GRIA4: variants seen among roughly 807,000 people sequenced by gnomAD.
GRIA4 encodes glutamate receptor 4.
A neutral mutation model predicts 104.0 loss-of-function variants in GRIA4; 34 were observed. The ratio of observed to expected loss-of-function variants is 0.33; its 90% CI spans 0.25 to 0.44. The LOEUF (loss-of-function observed/expected upper bound fraction) is 0.44, where lower values mean the gene tolerates loss of function less well. Ranked by LOEUF, GRIA4 falls within the 20% of genes least tolerant of loss-of-function variation. The probability of loss-of-function intolerance (pLI) is 1.00; values close to 1 mark genes in which losing one functional copy is unlikely to be tolerated. For synonymous variants in GRIA4, 386 were observed against 381.9 expected, an observed-to-expected ratio of 1.01 and a Z score of -0.13; for missense variants, 750 against 1,096.5, an observed-to-expected ratio of 0.68 and a Z score of 4.46.
At chr11:105,642,718 T>A (rs1188534593) in intron 3 of GRIA4, among the ~76,000 whole-genome samples, 1 of 152,160 alleles carries the variant, frequency 6.6e-6, no homozygotes, top group Non-Finnish European at 1.5e-5. Context: ...TGCTTGATAT[T>A]GTTGAATCAA....
At chr11:105,785,762 A>G (rs1941933287) in intron 4 of GRIA4, among the ~76,000 whole-genome samples, 1 of 152,212 alleles carries the variant, frequency 6.6e-6, no homozygotes, top group Admixed American at 6.5e-5. Context: ...CTAAAACAAA[A>G]GGAAATGGTG....
chr11:105,908,612 GC>G lies in GRIA4; in HGVS notation c.1159-1821del, dbSNP rs1239762508. Among the ~76,000 whole-genome samples, 764 of 117,314 alleles carry G rather than the reference GC, an allele frequency of 6.5e-3. 4 individuals are homozygous for G. The highest frequency in any genetic ancestry group is 0.031 in the East Asian group (127 of 4,068). The allele number at this position is 117,314 out of a possible 152,430, so 77.0% of individuals were successfully genotyped here. On this transcript the variant is annotated intron_variant, in intron 9 of 16. Coordinates refer to ENST00000282499, the MANE Select transcript of GRIA4 (RefSeq NM_000829.4). Reference sequence around the variant, plus strand: ...AACCAGAATTGCATATAGGTATAAGGCCAAAAAAAAAAATAAAGTTTGCTTA... The same window carrying G: ...AACCAGAATTGCATATAGGTATAAGGCAAAAAAAAAAATAAAGTTTGCTTA...
chr11:105,695,142 T>C (rs1442784016), intron 3 of GRIA4, among the ~76,000 whole-genome samples: 1 of 152,230 alleles, frequency 6.6e-6, no homozygotes, highest in Non-Finnish European at 1.5e-5. Context: ...CTTTGCTTAA[T>C]TTGAACTTAA....
chr11:105,662,959 T>C (rs1260156088), intron 3 of GRIA4, among the ~76,000 whole-genome samples: 1 of 151,690 alleles, frequency 6.6e-6, no homozygotes, highest in Non-Finnish European at 1.5e-5. Flanking sequence ...ACACAGAGAG[T>C]AAATACATAA....
chr11:105,721,796 G>A lies in GRIA4; in HGVS notation c.248-31185G>A, dbSNP rs116905934. 4.9e-3 allele frequency among the ~76,000 whole-genome samples: 750 copies of A among 152,150 alleles called. 10 individuals carry two copies. Among genetic ancestry groups the A allele is most frequent in the East Asian group, 0.049 (250 of 5,146 alleles). Reference sequence around the variant, plus strand: ...TCTCATCCTCCCAGTCATCAATATTGGGCATGAGGAGCTTCCATGGCCTGT... The same window carrying A: ...TCTCATCCTCCCAGTCATCAATATTAGGCATGAGGAGCTTCCATGGCCTGT... On this transcript the variant is annotated intron_variant, in intron 3 of 16. Transcript: ENST00000282499.
At position 105,979,757 on chromosome 11, in the gene GRIA4, G is replaced by T. The variant is rs1184410495; in HGVS notation, c.*18G>T. Reference sequence around the variant, plus strand: ...TACCATAAAAACCAAAAAAATAATTGAGTGCCTTAATTAAACTGTTGGTGA... The same window carrying T: ...TACCATAAAAACCAAAAAAATAATTTAGTGCCTTAATTAAACTGTTGGTGA... On this transcript the variant is annotated 3_prime_UTR_variant, in exon 17 of 17. Coordinates refer to ENST00000282499, the MANE Select transcript of GRIA4 (RefSeq NM_000829.4). 1 of 1,590,432 alleles carries T rather than the reference G, an allele frequency of 6.3e-7. No homozygotes were observed. Among genetic ancestry groups the T allele is most frequent in the South Asian group, 1.1e-5 (1 of 90,426 alleles).
chr11:105,696,515 T>C (rs1953282451), intron 3 of GRIA4, among the ~76,000 whole-genome samples: 1 of 152,204 alleles, frequency 6.6e-6, no homozygotes. Context: ...GTGCATTCAG[T>C]ATGTATCAAA....
Position 105,840,328 on chromosome 11 carries a change from T to C in GRIA4, c.488-21696T>C, listed in dbSNP as rs538909092. Among the ~76,000 whole-genome samples the C allele has an allele frequency of 1.3e-5, 2 of 152,264 alleles. 1 individual carries two copies. The highest frequency in any genetic ancestry group is 4.1e-4 in the South Asian group (2 of 4,828). On this transcript the variant is annotated intron_variant, in intron 4 of 16. Coordinates refer to ENST00000282499, the MANE Select transcript of GRIA4 (RefSeq NM_000829.4). Reference sequence around the variant, plus strand: ...CACTGATGCTATATAAAATCTTCAATAACCAATTTCTACCCACAATAAAGC... The same window carrying C: ...CACTGATGCTATATAAAATCTTCAACAACCAATTTCTACCCACAATAAAGC...
chr11:105,957,929 T>C (rs989463240), intron 14 of GRIA4, among the ~76,000 whole-genome samples: 5 of 152,174 alleles, frequency 3.3e-5, no homozygotes, highest in African/African-American at 1.2e-4. Flanking sequence ...TATTGGTGTA[T>C]AGGAATGCTT....
chr11:105,804,323 T>G (rs1474884298), intron 4 of GRIA4, among the ~76,000 whole-genome samples: 1 of 149,222 alleles, frequency 6.7e-6, no homozygotes, highest in Non-Finnish European at 1.5e-5. Flanking sequence ...ATGTTCTTGC[T>G]TCCAATTTAT....
At chr11:105,635,988 T>C (rs2135330956) in intron 3 of GRIA4, among the ~76,000 whole-genome samples, 1 of 152,318 alleles carries the variant, frequency 6.6e-6, no homozygotes, top group African/African-American at 2.4e-5. Flanking sequence ...TCATATGAAC[T>C]CAGAGGCAGC....
At chr11:105,852,517 C>T (rs1382079532) in intron 4 of GRIA4, among the ~76,000 whole-genome samples, 2 of 152,112 alleles carry the variant, frequency 1.3e-5, no homozygotes, top group Non-Finnish European at 1.5e-5. Context: ...GAACGTTTGC[C>T]GTTAAAAGTA....
intron 3 of GRIA4, among the ~76,000 whole-genome samples, chr11:105,685,377 A>G (rs1952847179): frequency 6.6e-6 from 1 of 152,198 alleles, no homozygotes; most frequent in African/African-American, 2.4e-5. Flanking sequence ...TCATGTCCAC[A>G]CTTACCAGAT....
intron 3 of GRIA4, among the ~76,000 whole-genome samples, chr11:105,665,360 T>C (rs1952134011): frequency 6.6e-6 from 1 of 152,008 alleles, no homozygotes; most frequent in Non-Finnish European, 1.5e-5. Context: ...ACTGAGCCCC[T>C]GAAAGTTTAA....
intron 3 of GRIA4, among the ~76,000 whole-genome samples, chr11:105,715,987 G>C (rs538231518): frequency 6.6e-6 from 1 of 152,144 alleles, no homozygotes; most frequent in East Asian, 1.9e-4. Context: ...GGCCCAGGAA[G>C]AAGAGGAAAG....
intron 3 of GRIA4, among the ~76,000 whole-genome samples, chr11:105,727,528 C>A (rs1266224685): frequency 1.3e-5 from 2 of 152,008 alleles, no homozygotes; most frequent in African/African-American, 4.8e-5. Context: ...ATACAGAGAA[C>A]ACCACAAAGA....
At chr11:105,613,247 A>G (rs1665667791) in intron 3 of GRIA4, 1 of 152,178 alleles carries the variant, frequency 6.6e-6, no homozygotes, top group Non-Finnish European at 1.5e-5. Flanking sequence ...TGTAAAAAAA[A>G]AATACAATCA....
chr11:105,832,107 G>A (rs1943997647), intron 4 of GRIA4, among the ~76,000 whole-genome samples: 1 of 151,914 alleles, frequency 6.6e-6, no homozygotes, highest in Non-Finnish European at 1.5e-5. Flanking sequence ...AGTAAAACAG[G>A]TTTGGGAAGA....
intron 4 of GRIA4, among the ~76,000 whole-genome samples, chr11:105,763,154 A>C (rs1393675456): frequency 6.6e-6 from 1 of 152,190 alleles, no homozygotes; most frequent in South Asian, 2.1e-4. Context: ...GAAGGGTCTC[A>C]AGAAATATAA....
Sources: allele counts gnomAD v4.1 joint callset (sites outside exome capture counted in the v4.1 genomes callset), GRCh38; gene constraint gnomAD v4.1.1; transcripts MANE v1.5; gene names NCBI Gene and HGNC (gene_info 2026-07-23, HGNC 2026-07-21).